Variants in MAP2K5 observed in about 807,000 individuals in gnomAD.
MAP2K5 encodes dual specificity mitogen-activated protein kinase kinase 5.
MAP2K5 carries 49 observed loss-of-function variants against 83.1 expected under a neutral mutation model. The ratio of observed to expected loss-of-function variants is 0.59; its 90% confidence interval spans 0.47 to 0.75. The LOEUF (loss-of-function observed/expected upper bound fraction) is 0.75. Ranked by LOEUF, MAP2K5 falls within the 30% of genes least tolerant of loss-of-function variation. The pLI, the probability that MAP2K5 is intolerant of heterozygous loss-of-function variation, is 0.00. For synonymous variants in MAP2K5, 202 were observed against 191.8 expected (o/e 1.05, Z -0.44); for missense variants, 457 against 557.5 (o/e 0.82, Z 1.82).
intron 9 of MAP2K5, among the ~76,000 whole-genome samples, chr15:67,634,190 C>G (rs1364325507): frequency 6.6e-6 from 1 of 150,980 alleles, no homozygotes; most frequent in Non-Finnish European, 1.5e-5. Context: ...AAAACCCTGT[C>G]TCTACAAAAA....
chr15:67,712,590 TCAGAGAAC>T (rs2088717602), intron 16 of MAP2K5, among the ~76,000 whole-genome samples: 1 of 152,064 alleles, frequency 6.6e-6, no homozygotes, highest in Non-Finnish European at 1.5e-5. Flanking sequence ...AAAGGAACTT[TCAGAGAAC>T]AGCAAGAAAT....
chr15:67,739,956 A>T (rs1456491040), intron 17 of MAP2K5, among the ~76,000 whole-genome samples: 1 of 152,158 alleles, frequency 6.6e-6, no homozygotes, highest in Admixed American at 6.5e-5. Context: ...AAACATTACC[A>T]TGTGGTAGGG....
chr15:67,659,748 GA>G (rs2087190003), intron 12 of MAP2K5, among the ~76,000 whole-genome samples: 1 of 151,974 alleles, frequency 6.6e-6, no homozygotes, highest in Non-Finnish European at 1.5e-5. Context: ...AATTGAAAAA[GA>G]AAAAAGTATA....
At chr15:67,733,082 G>A (rs1192713547) in intron 17 of MAP2K5, among the ~76,000 whole-genome samples, 1 of 152,100 alleles carries the variant, frequency 6.6e-6, no homozygotes, top group African/African-American at 2.4e-5. Flanking sequence ...ATTTCATCCT[G>A]CCTTGTCATT....
intron 20 of MAP2K5, among the ~76,000 whole-genome samples, 196 bp from the exon 21 acceptor site, chr15:67,772,511 A>C (rs538716541): frequency 1.3e-5 from 2 of 152,222 alleles, no homozygotes; most frequent in African/African-American, 2.4e-5. Flanking sequence ...TCTTACTCAT[A>C]ATGTCCCCCA....
intron 19 of MAP2K5, among the ~76,000 whole-genome samples, chr15:67,762,565 C>CAAAA (rs5813455): frequency 2.5e-5 from 3 of 119,838 alleles, no homozygotes; most frequent in Non-Finnish European, 3.5e-5. Flanking sequence ...AAATGACAGA[C>CAAAA]AAAAAAAAAA....
chr15:67,679,918 C>T (rs1237226489), intron 13 of MAP2K5: 1 of 152,130 alleles, frequency 6.6e-6, no homozygotes, highest in South Asian at 2.1e-4. Flanking sequence ...AACCATAATC[C>T]AGTTTTAGAA....
At chr15:67,648,074 A>G (rs1160478181) in intron 11 of MAP2K5, among the ~76,000 whole-genome samples, 1 of 152,122 alleles carries the variant, frequency 6.6e-6, no homozygotes, top group Non-Finnish European at 1.5e-5. Context: ...TTATTGAAAT[A>G]TAACTCAGAT....
chr15:67,594,631 T>C (rs1383198132), intron 7 of MAP2K5, among the ~76,000 whole-genome samples: 1 of 152,186 alleles, frequency 6.6e-6, no homozygotes, highest in Non-Finnish European at 1.5e-5. Flanking sequence ...ACCATAGATA[T>C]CTTAGTGGCT....
intron 13 of MAP2K5, among the ~76,000 whole-genome samples, chr15:67,679,531 T>C (rs1430300034): frequency 6.6e-6 from 1 of 152,232 alleles, no homozygotes; most frequent in African/African-American, 2.4e-5. Context: ...TTTCTTGAAA[T>C]AATCTTAAAT....
chr15:67,701,704 G>A (rs76119580), intron 15 of MAP2K5, among the ~76,000 whole-genome samples: 4,023 of 152,200 alleles, frequency 0.026, 63 homozygotes, highest in Non-Finnish European at 0.038. Context: ...TTTAAGTGAG[G>A]ATCTCTAGCC....
chr15:67,740,283 T>C (rs2089464314), intron 17 of MAP2K5, among the ~76,000 whole-genome samples: 2 of 152,200 alleles, frequency 1.3e-5, no homozygotes, highest in African/African-American at 4.8e-5. Context: ...TAGCCCAAGT[T>C]TACTTTTTAC....
intron 19 of MAP2K5, among the ~76,000 whole-genome samples, chr15:67,763,036 C>G (rs1596931403): frequency 6.6e-6 from 1 of 152,264 alleles, no homozygotes; most frequent in East Asian, 1.9e-4. Flanking sequence ...GAAATTGAAT[C>G]ATCTTTCACT....
intron 6 of MAP2K5, among the ~76,000 whole-genome samples, chr15:67,591,357 G>A (rs1293150173): frequency 6.7e-6 from 1 of 149,950 alleles, no homozygotes. Context: ...AAAAAAAAAA[G>A]TAGAGTTAAC....
In MAP2K5 at chr15:67,720,252, G is replaced by A. The variant is rs1002159697; in HGVS notation, c.1045-7664G>A. Among the ~76,000 whole-genome samples the A allele has an allele frequency of 1.3e-4, 19 of 151,686 alleles. No homozygotes were observed. The highest frequency in any genetic ancestry group is 1.9e-4 in the East Asian group (1 of 5,176). ...TACACATACACAAACATAAACACAC[G>A]CATATATATACACACACATATGCTT... On this transcript the variant is annotated intron_variant, in intron 16 of 21. Transcript: ENST00000178640. The surrounding 1 kb of genome is among the most constrained non-coding windows in gnomAD (Gnocchi z 5.7).
rs534156364 is a variant in MAP2K5, at chr15:67,559,084, G to A, written c.185-4199G>A. ...GTCATTAACTCCGTGCCTGAGAAGG[G>A]CTTTAAACATGACATCTTTTCCGGT... On this transcript the variant is annotated intron_variant, in intron 2 of 21. Coordinates refer to ENST00000178640, the MANE Select transcript of MAP2K5 (RefSeq NM_145160.3). The surrounding 1 kb of genome is among the most constrained non-coding windows in gnomAD (Gnocchi z 4.7). Among the ~76,000 whole-genome samples the A allele has an allele frequency of 3.5e-4, 54 of 152,342 alleles. No individual in the cohort carries two copies. Among genetic ancestry groups the A allele is most frequent in the African/African-American group, 1.2e-3 (50 of 41,576 alleles).
Position 67,749,753 on chromosome 15 carries a change from C to A in MAP2K5, c.1134+1152C>A, listed in dbSNP as rs2089679928. On this transcript the variant is annotated intron_variant, in intron 19 of 21. Transcript: ENST00000178640. This position sits in a 1 kb window ranked among gnomAD's most constrained non-coding sequence, Gnocchi z 4.6. ...TCCATTATCTCAAATATCAGACAGA[C>A]CTCCTGGATCTAATAGCTCATCAAT... Among the ~76,000 whole-genome samples, 1 of 152,172 alleles carries A rather than the reference C, an allele frequency of 6.6e-6. No homozygotes were observed. The highest frequency in any genetic ancestry group is 1.5e-5 in the Non-Finnish European group (1 of 68,042).
rs992459157 is a variant in MAP2K5 at position 67,643,389 on chromosome 15, A to G, written c.586-2842A>G. Among the ~76,000 whole-genome samples the G allele has an allele frequency of 2.7e-4, 41 of 152,214 alleles. 1 individual carries two copies. Among genetic ancestry groups the G allele is most frequent in the African/African-American group, 9.7e-4 (40 of 41,446 alleles). ...GAGAAGTGTTTAAATGTTTCTTGGC[A>G]GTTTTGTATTACACTTACAGTCTAG... On this transcript the variant is annotated intron_variant, in intron 9 of 21. Transcript: ENST00000178640.
At chr15:67,614,205 G>A (rs2086002572) in intron 8 of MAP2K5, among the ~76,000 whole-genome samples, 1 of 152,052 alleles carries the variant, frequency 6.6e-6, no homozygotes, top group African/African-American at 2.4e-5. Context: ...CCAAGCCTTG[G>A]TTTCCTTGTC....
Sources: allele counts gnomAD v4.1 joint callset (sites outside exome capture counted in the v4.1 genomes callset), GRCh38; gene constraint gnomAD v4.1.1; non-coding constraint Gnocchi (gnomAD v3.1); transcripts MANE v1.5; gene names NCBI Gene and HGNC (gene_info 2026-07-23, HGNC 2026-07-21).